The following RAB7A variants were observed in gnomAD, a reference collection of about 807,000 sequenced individuals.
RAB7A encodes RAB7A, member RAS oncogene family, also known as ras-related protein Rab-7a.
RAB7A carries 2 observed loss-of-function variants against 24.5 expected under a neutral mutation model. That is an observed-to-expected ratio of 0.08 (90% CI 0.03 to 0.26). RAB7A has a LOEUF of 0.26. Ranked by LOEUF, RAB7A falls within the 10% of genes least tolerant of loss-of-function variation. RAB7A has a pLI of 1.00. For synonymous variants in RAB7A, 100 were observed against 95.9 expected (o/e 1.04, Z -0.25); for missense variants, 118 against 255.7 (o/e 0.46, Z 3.67).
intron 1 of RAB7A, among the ~76,000 whole-genome samples, chr3:128,791,851 A>G (rs1933461034): frequency 6.6e-6 from 1 of 152,132 alleles, no homozygotes; most frequent in Admixed American, 6.5e-5. Flanking sequence ...GACTCTTGCA[A>G]GAACTGCTGC....
At chr3:128,742,221 TCCC>T (rs527814654) in intron 1 of RAB7A, among the ~76,000 whole-genome samples, 1 of 152,004 alleles carries the variant, frequency 6.6e-6, no homozygotes, top group African/African-American at 2.4e-5. Context: ...AGTTGTTTAT[TCCC>T]CCCGGTGGGT....
chr3:128,803,997 G>T (rs928204066), intron 3 of RAB7A, among the ~76,000 whole-genome samples: 1 of 152,024 alleles, frequency 6.6e-6, no homozygotes, highest in Non-Finnish European at 1.5e-5. Context: ...TAGAGAAAAA[G>T]AATAAAAGCC....
intron 2 of RAB7A, 146 bp from the exon 3 acceptor site, chr3:128,797,797 C>T (rs940248287): frequency 1.2e-4 from 103 of 854,336 alleles, no homozygotes; most frequent in South Asian, 3.0e-4. Flanking sequence ...GTGTAATGCT[C>T]GGAAGGCTAC....
intron 1 of RAB7A, among the ~76,000 whole-genome samples, chr3:128,793,097 C>T (rs187740670): frequency 1.3e-5 from 2 of 152,256 alleles, no homozygotes; most frequent in East Asian, 1.9e-4. Context: ...AATCTCGGCT[C>T]ACTGCAACCT....
chr3:128,788,178 G>T (rs895443355), intron 1 of RAB7A, among the ~76,000 whole-genome samples: 5 of 152,198 alleles, frequency 3.3e-5, no homozygotes, highest in African/African-American at 9.6e-5. Context: ...TGCAATGCTT[G>T]TGTTCAAGTA....
At chr3:128,803,732 G>A (rs141187078) in intron 3 of RAB7A, among the ~76,000 whole-genome samples, 1,799 of 152,228 alleles carry the variant, frequency 0.012, 32 homozygotes, top group African/African-American at 0.039. Flanking sequence ...AATGAAAAAA[G>A]ACAAGTTGCA....
chr3:128,737,826 T>G (rs13081229), intron 1 of RAB7A, among the ~76,000 whole-genome samples: 2 of 35,334 alleles, frequency 5.7e-5, no homozygotes, highest in Admixed American at 2.9e-4. Flanking sequence ...TTTTTTGTAG[T>G]TTTTTTTTTT....
intron 1 of RAB7A, among the ~76,000 whole-genome samples, chr3:128,763,201 TA>T (rs1559786077): frequency 1.1e-4 from 12 of 111,642 alleles, no homozygotes; most frequent in African/African-American, 4.2e-4. Flanking sequence ...TATATATATA[TA>T]TATATATTTT....
chr3:128,813,257 A>G (rs917054470), intron 5 of RAB7A, 70 bp from the exon 6 acceptor site: 2 of 1,422,134 alleles, frequency 1.4e-6, no homozygotes, highest in Non-Finnish European at 2.0e-6. Context: ...CTGGGCAGAA[A>G]GTGCCCGCAA....
intron 1 of RAB7A, 70 bp from the exon 2 acceptor site, chr3:128,795,290 T>A: frequency 1.5e-6 from 2 of 1,312,398 alleles, no homozygotes. Context: ...CTCAGACATT[T>A]GTGCAAGGGA....
At chr3:128,734,479 GAAAGA>G (rs1167070392) in intron 1 of RAB7A, among the ~76,000 whole-genome samples, 4 of 143,662 alleles carry the variant, frequency 2.8e-5, no homozygotes, top group Non-Finnish European at 3.0e-5. Flanking sequence ...AAAAAAAAAG[GAAAGA>G]AAAGAAAGAA....
intron 1 of RAB7A, among the ~76,000 whole-genome samples, chr3:128,744,829 G>A (rs1007099946): frequency 9.2e-5 from 14 of 151,636 alleles, no homozygotes; most frequent in African/African-American, 3.1e-4. Context: ...TTGCTGTTGA[G>A]GTTTCCTTGA....
intron 1 of RAB7A, among the ~76,000 whole-genome samples, chr3:128,791,341 A>G (rs1280525895): frequency 3.3e-5 from 5 of 152,034 alleles, no homozygotes; most frequent in Admixed American, 2.0e-4. Flanking sequence ...GAGTTTTCCC[A>G]TGTTGGCCAG....
At chr3:128,782,763 C>T (rs1933248232) in intron 1 of RAB7A, among the ~76,000 whole-genome samples, 2 of 151,982 alleles carry the variant, frequency 1.3e-5, no homozygotes, top group Non-Finnish European at 2.9e-5. Flanking sequence ...CTATTTATTA[C>T]CAAAGGATCA....
rs1320203359 is a variant in RAB7A at position 128,813,909 on chromosome 3, G to T, written c.*487G>T. 4.2e-6 allele frequency: 1 copy of T among 235,518 alleles called. No homozygotes were observed. The highest frequency in any genetic ancestry group is 2.3e-5 in the African/African-American group (1 of 44,388). 14.6% of individuals were successfully genotyped at this position (235,518 alleles called of 1,614,324 possible). On this transcript the variant is annotated 3_prime_UTR_variant, in exon 6 of 6. Transcript: ENST00000265062. ...CCCCTTGGGAAGGCTGGTGCCCCAT[G>T]CCCCATTACAGGCTCACACCCAGTC...
At chr3:128,758,120 A>G (rs779252852) in intron 1 of RAB7A, among the ~76,000 whole-genome samples, 45 of 151,196 alleles carry the variant, frequency 3.0e-4, no homozygotes, top group Non-Finnish European at 5.8e-4. Context: ...GAGCCACCAC[A>G]CCTGGCTAAT....
At chr3:128,781,858 C>A (rs1933228963) in intron 1 of RAB7A, among the ~76,000 whole-genome samples, 1 of 152,102 alleles carries the variant, frequency 6.6e-6, no homozygotes. Flanking sequence ...ACCAAAAATA[C>A]AAAAATCAGT....
rs532913166 is a variant in RAB7A at position 128,792,995 on chromosome 3, C to T, written c.-8-2365C>T. ...CCTCCTGAGTAGCTGGGATTACAGG[C>T]GCGTGCCACCATGCCCAGCTAATTT... On this transcript the variant is annotated intron_variant, in intron 1 of 5. Transcript: ENST00000265062. Among the ~76,000 whole-genome samples the T allele has an allele frequency of 7.5e-4, 114 of 151,868 alleles. 2 individuals are homozygous for T. Among genetic ancestry groups the T allele is most frequent in the South Asian group, 5.6e-3 (27 of 4,808 alleles).
At chr3:128,745,408 G>A (rs898661382) in intron 1 of RAB7A, among the ~76,000 whole-genome samples, 7 of 152,092 alleles carry the variant, frequency 4.6e-5, no homozygotes, top group Non-Finnish European at 8.8e-5. Context: ...TTGTTGCCCA[G>A]GCTGGAGTGC....
Sources: gnomAD v4.1 joint callset for allele counts (sites outside exome capture counted in the v4.1 genomes callset) on GRCh38, gnomAD v4.1.1 for gene constraint, MANE v1.5 for transcripts, NCBI Gene and HGNC (gene_info 2026-07-23, HGNC 2026-07-21) for gene names.